NKAIN2: variants seen among roughly 807,000 people sequenced by gnomAD.
NKAIN2 encodes the protein sodium/potassium transporting ATPase interacting 2, also known as sodium/potassium-transporting ATPase subunit beta-1-interacting protein 2.
NKAIN2 carries 14 observed loss-of-function variants against 32.6 expected under a neutral mutation model. The observed-to-expected ratio is 0.43, with a 90% CI of 0.28 to 0.67. The LOEUF (loss-of-function observed/expected upper bound fraction) is 0.67, where lower values mean the gene tolerates loss of function less well. NKAIN2 is among the 30% of genes least tolerant of loss of function. The pLI is 0.17. For missense variants in NKAIN2, 198 were observed against 258.3 expected (o/e 0.77, Z 1.60); for synonymous variants, 80 against 87.2 (o/e 0.92, Z 0.46).
intron 3 of NKAIN2, among the ~76,000 whole-genome samples, chr6:124,387,283 C>A (rs536570288): frequency 1.6e-3 from 202 of 127,716 alleles, no homozygotes; most frequent in Admixed American, 4.4e-3. Context: ...AAAGTTTGGA[C>A]CTAATTAAAG....
At chr6:124,566,417 G>T (rs1328861747) in intron 3 of NKAIN2, among the ~76,000 whole-genome samples, 1 of 152,168 alleles carries the variant, frequency 6.6e-6, no homozygotes, top group Non-Finnish European at 1.5e-5. Flanking sequence ...ATTCAACGGT[G>T]AGTGGCAGGT....
chr6:124,122,822 C>T (rs1785948251), intron 1 of NKAIN2, among the ~76,000 whole-genome samples: 1 of 151,984 alleles, frequency 6.6e-6, no homozygotes, highest in Non-Finnish European at 1.5e-5. Context: ...TTATTATTCT[C>T]TTCCCCCAAA....
intron 1 of NKAIN2, among the ~76,000 whole-genome samples, chr6:123,933,408 A>G (rs891808899): frequency 6.6e-6 from 1 of 152,218 alleles, no homozygotes. Flanking sequence ...TTATATGTAC[A>G]TATATATTTC....
chr6:124,028,887 GTA>G (rs77593596), intron 1 of NKAIN2, among the ~76,000 whole-genome samples: 2,399 of 44,698 alleles, frequency 0.054, 33 homozygotes, highest in Non-Finnish European at 0.11. Flanking sequence ...ATATATATGT[GTA>G]TATATATATA....
intron 4 of NKAIN2, among the ~76,000 whole-genome samples, chr6:124,763,082 G>T (rs909736823): frequency 6.6e-6 from 1 of 152,142 alleles, no homozygotes; most frequent in Non-Finnish European, 1.5e-5. Flanking sequence ...TCACTTATAC[G>T]CAGAATCTAA....
intron 3 of NKAIN2, among the ~76,000 whole-genome samples, chr6:124,496,252 CT>C (rs1778059790): frequency 6.6e-6 from 1 of 152,152 alleles, no homozygotes; most frequent in Admixed American, 6.6e-5. Flanking sequence ...TTCAATAAAA[CT>C]TTTACATTCC....
At chr6:124,798,003 A>ACCTT (rs753284861) in intron 5 of NKAIN2, among the ~76,000 whole-genome samples, 20 of 151,392 alleles carry the variant, frequency 1.3e-4, no homozygotes, top group East Asian at 3.9e-4. Context: ...CTGCCTTCTT[A>ACCTT]CCTTCCTTCC....
At chr6:123,809,940 A>G (rs1323119041) in intron 1 of NKAIN2, among the ~76,000 whole-genome samples, 2 of 152,180 alleles carry the variant, frequency 1.3e-5, no homozygotes, top group African/African-American at 2.4e-5. Flanking sequence ...ACTGATTTTT[A>G]AGTGCATTTT....
At chr6:124,174,398 C>T (rs1449104691) in intron 1 of NKAIN2, among the ~76,000 whole-genome samples, 1 of 152,016 alleles carries the variant, frequency 6.6e-6, no homozygotes, top group East Asian at 1.9e-4. Context: ...TTAAGGAAAA[C>T]AAAGATAAAA....
intron 3 of NKAIN2, among the ~76,000 whole-genome samples, chr6:124,378,129 T>A (rs1800069934): frequency 6.6e-6 from 1 of 152,132 alleles, no homozygotes; most frequent in Admixed American, 6.5e-5. Flanking sequence ...AAGGGGCCCC[T>A]GTGAAGCAGG....
chr6:124,726,468 G>C (rs1469095654), intron 4 of NKAIN2, among the ~76,000 whole-genome samples: 7 of 151,680 alleles, frequency 4.6e-5, no homozygotes, highest in Non-Finnish European at 8.8e-5. Context: ...CACACGGCAG[G>C]GTATTCCAAC....
At chr6:124,357,145 G>T (rs1302715526) in intron 3 of NKAIN2, among the ~76,000 whole-genome samples, 2 of 152,018 alleles carry the variant, frequency 1.3e-5, no homozygotes, top group Non-Finnish European at 2.9e-5. Flanking sequence ...TGAAACAGTT[G>T]ATAATATTTT....
At chr6:124,789,220 G>A (rs552893338) in intron 4 of NKAIN2, among the ~76,000 whole-genome samples, 6 of 152,132 alleles carry the variant, frequency 3.9e-5, no homozygotes, top group Admixed American at 6.5e-5. Context: ...AGAATGTATC[G>A]ATGCTTGTTA....
At chr6:124,098,233 T>C (rs911866736) in intron 1 of NKAIN2, among the ~76,000 whole-genome samples, 2 of 152,224 alleles carry the variant, frequency 1.3e-5, no homozygotes, top group Admixed American at 1.3e-4. Context: ...ACTTTAATTA[T>C]AATGCAAATT....
chr6:123,914,419 CTCT>C (rs1267753317), intron 1 of NKAIN2, among the ~76,000 whole-genome samples: 1 of 151,990 alleles, frequency 6.6e-6, no homozygotes, highest in African/African-American at 2.4e-5. Flanking sequence ...TTTCTGGAGT[CTCT>C]TCTTATAATG....
At chr6:124,586,243 G>T (rs535107446) in intron 3 of NKAIN2, among the ~76,000 whole-genome samples, 1 of 152,270 alleles carries the variant, frequency 6.6e-6, no homozygotes, top group East Asian at 1.9e-4. Flanking sequence ...AAGAAGAAAA[G>T]ACAACAGTGA....
At chr6:123,876,226 T>C (rs1157606689) in intron 1 of NKAIN2, among the ~76,000 whole-genome samples, 1 of 152,216 alleles carries the variant, frequency 6.6e-6, no homozygotes, top group Admixed American at 6.5e-5. Flanking sequence ...TATTTCTCCA[T>C]TCTTTCAAAA....
chr6:123,908,744 A>G (rs1775014417), intron 1 of NKAIN2, among the ~76,000 whole-genome samples: 1 of 152,194 alleles, frequency 6.6e-6, no homozygotes, highest in Non-Finnish European at 1.5e-5. Flanking sequence ...ACAGAGTTTG[A>G]TTAGCGTTTT....
chr6:123,955,301 A>G (rs571178767), intron 1 of NKAIN2, among the ~76,000 whole-genome samples: 1 of 152,070 alleles, frequency 6.6e-6, no homozygotes. Context: ...AGAACTGTTT[A>G]TCATTAATGG....
Sources: allele counts gnomAD v4.1 joint callset (sites outside exome capture counted in the v4.1 genomes callset), GRCh38; gene constraint gnomAD v4.1.1; transcripts MANE v1.5; gene names NCBI Gene and HGNC (gene_info 2026-07-23, HGNC 2026-07-21).